Variants in RELCH observed in about 807,000 individuals in gnomAD.
RELCH encodes the protein RAB11-binding protein RELCH.
A neutral mutation model predicts 150.3 loss-of-function variants in RELCH; 41 were observed. That is an observed-to-expected ratio of 0.27 (90% CI 0.21 to 0.35). RELCH has a LOEUF of 0.35. Among genes scored for constraint, RELCH ranks in the 10% least tolerant of loss-of-function variants. The pLI, the probability that RELCH is intolerant of heterozygous loss-of-function variation, is 1.00. For synonymous variants in RELCH, 478 were observed against 531.8 expected (o/e 0.90, Z 1.39); for missense variants, 1,092 against 1,467.8 (o/e 0.74, Z 4.18).
At chr18:62,292,187 AACTT>A (rs2145065113) in intron 27 of RELCH, among the ~76,000 whole-genome samples, 1 of 152,158 alleles carries the variant, frequency 6.6e-6, no homozygotes, top group East Asian at 1.9e-4. Flanking sequence ...TTACTCTCTC[AACTT>A]TTACAGTGTC....
At chr18:62,233,142 T>C (rs956153703) in intron 10 of RELCH, among the ~76,000 whole-genome samples, 1 of 151,694 alleles carries the variant, frequency 6.6e-6, no homozygotes, top group Non-Finnish European at 1.5e-5. Context: ...TAAATATAGT[T>C]ATATTTAGTC....
intron 2 of RELCH, among the ~76,000 whole-genome samples, chr18:62,215,224 A>G (rs1426537702): frequency 6.6e-6 from 1 of 152,232 alleles, no homozygotes; most frequent in Non-Finnish European, 1.5e-5. Context: ...AAGCTTCTGT[A>G]GGATAACAGA....
intron 18 of RELCH, among the ~76,000 whole-genome samples, 170 bp downstream of exon 18, chr18:62,265,022 A>C (rs1212088758): frequency 6.6e-6 from 1 of 152,050 alleles, no homozygotes; most frequent in Non-Finnish European, 1.5e-5. Flanking sequence ...TAATATTCTT[A>C]TCTTTACTGA....
Position 62,228,656 on chromosome 18 carries a change from C to T in RELCH, c.1448+58C>T, listed in dbSNP as rs180947001. On this transcript the variant is annotated intron_variant, in intron 8 of 28. Transcript: ENST00000644646. ...TTTCAGCTATTTAGTACATGTCAAACGGGAAGAGCTACTGTTTTTATTTAA... is the reference window on the plus strand; with the variant it reads ...TTTCAGCTATTTAGTACATGTCAAATGGGAAGAGCTACTGTTTTTATTTAA... 1.9e-4 allele frequency: 256 copies of T among 1,320,560 alleles called. 1 individual carries two copies. Among genetic ancestry groups the T allele is most frequent in the African/African-American group, 1.8e-3 (121 of 67,240 alleles). 81.8% of individuals were successfully genotyped at this position (1,320,560 alleles called of 1,614,324 possible).
At chr18:62,203,886 G>A (rs1028598677) in intron 1 of RELCH, among the ~76,000 whole-genome samples, 5 of 152,056 alleles carry the variant, frequency 3.3e-5, no homozygotes, top group Admixed American at 6.6e-5. Flanking sequence ...GGCTGAGGCG[G>A]GAAGATCACA....
intron 5 of RELCH, among the ~76,000 whole-genome samples, chr18:62,223,501 A>T (rs2041013743): frequency 6.6e-6 from 1 of 152,048 alleles, no homozygotes; most frequent in Non-Finnish European, 1.5e-5. Flanking sequence ...TGCAAATTTG[A>T]CCAAACATTG....
Position 62,291,626 on chromosome 18 carries a change from C to T in RELCH, c.3454C>T (p.His1152Tyr). The T allele has an allele frequency of 1.2e-6, 2 of 1,601,328 alleles. No homozygotes were observed. The highest frequency in any genetic ancestry group is 1.3e-5 in the African/African-American group (1 of 74,516). The change falls in exon 27 of 29, where the codon CAT (histidine) becomes TAT (tyrosine). Residue 1152 changes from histidine (H) to tyrosine (Y), a missense_variant. This residue lies in a region of RELCH where 707 missense variants were observed against 1,025.4 expected (regional missense o/e 0.69). Transcript: ENST00000644646. ...RTDMEHLSPE[H>Y]EVILSSMIKE... ...TGACATGGAACATCTCTCTCCAGAGCATGAGGTGAGCCACTGTGATTACCA... is the reference window on the plus strand; with the variant it reads ...TGACATGGAACATCTCTCTCCAGAGTATGAGGTGAGCCACTGTGATTACCA...
chr18:62,191,989 TTAAC>T (rs1171607301), intron 1 of RELCH, among the ~76,000 whole-genome samples: 3 of 152,238 alleles, frequency 2.0e-5, no homozygotes, highest in Non-Finnish European at 4.4e-5. Context: ...CCACAATGGT[TTAAC>T]TAATTTACAG....
rs1434441236 is a variant in RELCH, at chr18:62,282,355, A to G, written c.3164A>G (p.Gln1055Arg). 1 of 1,612,894 alleles carries G rather than the reference A, an allele frequency of 6.2e-7. No individual in the cohort carries two copies. Among genetic ancestry groups the G allele is most frequent in the Admixed American group, 1.7e-5 (1 of 59,862 alleles). ...MQLASFLEDP[Q>R]YQDQHSLHTE... ...TTGGCTTCTTTCCTGGAAGATCCTCAGTATCAAGACCAACATTCTTTGCAT... is the reference window on the plus strand; with the variant it reads ...TTGGCTTCTTTCCTGGAAGATCCTCGGTATCAAGACCAACATTCTTTGCAT... The change falls in exon 25 of 29, where the codon CAG becomes CGG. Residue 1055 changes from glutamine (Q) to arginine (R), a missense_variant. Physicochemically the swap from Gln to Arg is conservative, Grantham distance 43. This residue lies in a region of RELCH where 707 missense variants were observed against 1,025.4 expected (regional missense o/e 0.69). Coordinates refer to ENST00000644646, the MANE Select transcript of RELCH (RefSeq NM_001346231.2).
chr18:62,221,112 G>T lies in RELCH; in HGVS notation c.688+4G>T. 1.2e-6 allele frequency: 2 copies of T among 1,613,020 alleles called. No individual in the cohort carries two copies. The highest frequency in any genetic ancestry group is 2.2e-5 in the East Asian group (1 of 44,848). ...GCCAACCTGACAAAGGCCGCAGGTG[G>T]TGTACATAAAACTTTTTTGAGACTT... On this transcript the variant is annotated splice_donor_region_variant and intron_variant, in intron 3 of 28. Coordinates refer to ENST00000644646, the MANE Select transcript of RELCH (RefSeq NM_001346231.2).
intron 24 of RELCH, 60 bp downstream of exon 24, chr18:62,280,769 A>G (rs534090988): frequency 2.6e-6 from 3 of 1,136,688 alleles, no homozygotes; most frequent in South Asian, 1.3e-5. Context: ...TGATACATGT[A>G]TCTGGTGGTA....
intron 20 of RELCH, among the ~76,000 whole-genome samples, chr18:62,272,250 A>G (rs866552077): frequency 3.3e-5 from 5 of 152,164 alleles, no homozygotes; most frequent in Non-Finnish European, 7.4e-5. Context: ...ACGCAACAGT[A>G]TGCCTACCAT....
At chr18:62,271,636 G>T (rs1032141545) in intron 20 of RELCH, among the ~76,000 whole-genome samples, 1 of 152,090 alleles carries the variant, frequency 6.6e-6, no homozygotes, top group Non-Finnish European at 1.5e-5. Flanking sequence ...CACTGCTTTT[G>T]GTGTTTTAGT....
intron 24 of RELCH, 105 bp from the exon 25 acceptor site, chr18:62,282,200 CT>C: frequency 1.1e-6 from 1 of 892,550 alleles, no homozygotes. Context: ...CTATAGGTTG[CT>C]TTAATCCACT....
At chr18:62,207,231 A>G (rs544614728) in intron 1 of RELCH, among the ~76,000 whole-genome samples, 7 of 152,302 alleles carry the variant, frequency 4.6e-5, no homozygotes, top group African/African-American at 1.4e-4. Context: ...TGTGCAATTT[A>G]TATAGATGGA....
Position 62,211,104 on chromosome 18 carries a change from T to A in RELCH, c.527-49T>A, listed in dbSNP as rs202152825. The A allele has an allele frequency of 1.4e-5, 14 of 977,258 alleles. 1 individual carries two copies. The Admixed American group carries it at 1.8e-4, about 13-fold the overall frequency. The allele number at this position is 977,258 out of a possible 1,614,324, so 60.5% of individuals were successfully genotyped here. ...TCATAAGTATTTGAATTCCTGTTCCTTATTTTAACAATTAAATTAAAAAAC... is the reference window on the plus strand; with the variant it reads ...TCATAAGTATTTGAATTCCTGTTCCATATTTTAACAATTAAATTAAAAAAC... On this transcript the variant is annotated intron_variant, in intron 1 of 28. Transcript: ENST00000644646.
At position 62,305,191 on chromosome 18, in the gene RELCH, C is replaced by A. The variant is rs1397960297; in HGVS notation, c.3531-223C>A. Among the ~76,000 whole-genome samples the A allele has an allele frequency of 6.6e-5, 10 of 152,042 alleles. No individual in the cohort carries two copies. The highest frequency in any genetic ancestry group is 1.5e-5 in the Non-Finnish European group (1 of 67,998). On this transcript the variant is annotated intron_variant, in intron 28 of 28. Coordinates refer to ENST00000644646, the MANE Select transcript of RELCH (RefSeq NM_001346231.2). This position sits in a 1 kb window ranked among gnomAD's most constrained non-coding sequence, Gnocchi z 4.0. ...AACAGAGCCAAGATTCAGTCCAGTCCCAGACTTGTTCCTAACCACTACACA... is the reference window on the plus strand; with the variant it reads ...AACAGAGCCAAGATTCAGTCCAGTCACAGACTTGTTCCTAACCACTACACA...
At chr18:62,287,657 A>C (rs541954353) in intron 26 of RELCH, among the ~76,000 whole-genome samples, 190 bp downstream of exon 26, 1 of 152,302 alleles carries the variant, frequency 6.6e-6, no homozygotes, top group South Asian at 2.1e-4. Flanking sequence ...GATAAGTTTA[A>C]GTCCTCTGTG....
In RELCH at chr18:62,221,497, G is replaced by A; in HGVS notation, c.858G>A (p.Gln286=). The A allele has an allele frequency of 2.2e-6, 3 of 1,375,742 alleles. No individual in the cohort carries two copies. The highest frequency in any genetic ancestry group is 3.0e-6 in the Non-Finnish European group (3 of 1,007,540). The allele number at this position is 1,375,742 out of a possible 1,614,324, so 85.2% of individuals were successfully genotyped here. A position where few individuals can be genotyped will look rare whatever the true frequency, so the allele number is the denominator to read the frequency against. Residue 286 remains glutamine, a splice_region_variant and synonymous_variant, in exon 5 of 29, where the codon CAG becomes CAA. Transcript: ENST00000644646. ...SITFSDENDD[Q]DFELWDDVGL... Reference sequence around the variant, plus strand: ...CCTTTTCAGATGAAAACGATGATCAGGTAAAGTTACTTTTTGTTTTTACAG... The same window carrying A: ...CCTTTTCAGATGAAAACGATGATCAAGTAAAGTTACTTTTTGTTTTTACAG...
Sources: allele counts gnomAD v4.1 joint callset (sites outside exome capture counted in the v4.1 genomes callset), GRCh38; gene constraint gnomAD v4.1.1; regional missense constraint gnomAD v4.1.1; non-coding constraint Gnocchi (gnomAD v3.1); transcripts MANE v1.5; gene names NCBI Gene and HGNC (gene_info 2026-07-23, HGNC 2026-07-21).